The following RANBP3 variants were observed in gnomAD, a reference collection of about 807,000 sequenced individuals.
RANBP3 encodes RAN binding protein 3, also known as ran-binding protein 3.
A neutral mutation model predicts 77.3 loss-of-function variants in RANBP3; 14 were observed. That is an observed-to-expected ratio of 0.18 (90% CI 0.12 to 0.28). The LOEUF (loss-of-function observed/expected upper bound fraction) is 0.28, where lower values mean the gene tolerates loss of function less well. Among genes scored for constraint, RANBP3 ranks in the 10% least tolerant of loss-of-function variants. RANBP3 has a pLI of 1.00. For missense variants in RANBP3, 586 were observed against 752.3 expected (o/e 0.78, Z 2.59); for synonymous variants, 315 against 312.4 (o/e 1.01, Z -0.09).
chr19:5,954,402 C>T (rs777694268), intron 2 of RANBP3, among the ~76,000 whole-genome samples: 1 of 152,116 alleles, frequency 6.6e-6, no homozygotes, highest in African/African-American at 2.4e-5. Context: ...TTAACATTTT[C>T]GTAGGAGTAA....
intron 15 of RANBP3, among the ~76,000 whole-genome samples, chr19:5,918,214 T>TAG (rs547600465): frequency 2.8e-4 from 42 of 152,122 alleles, no homozygotes; most frequent in Non-Finnish European, 5.0e-4. Context: ...CACCATGACA[T>TAG]AGGAGAGAGG....
chr19:5,920,154 T>C (rs1053465775), intron 14 of RANBP3, among the ~76,000 whole-genome samples: 1 of 152,198 alleles, frequency 6.6e-6, no homozygotes, highest in Non-Finnish European at 1.5e-5. Context: ...TCCAGCGCTT[T>C]GGGAGGCTGA....
chr19:5,947,380 C>T (rs1453717202), intron 3 of RANBP3, among the ~76,000 whole-genome samples: 2 of 151,782 alleles, frequency 1.3e-5, no homozygotes, highest in Non-Finnish European at 2.9e-5. Context: ...GAGCAAGCTC[C>T]GAAGACTCGA....
intron 5 of RANBP3, among the ~76,000 whole-genome samples, chr19:5,935,049 CG>C (rs1221337420): frequency 6.6e-6 from 1 of 152,088 alleles, no homozygotes; most frequent in African/African-American, 2.4e-5. Flanking sequence ...AAATTAATCA[CG>C]TGATGGTCGC....
chr19:5,964,140 AG>A (rs2058436299), intron 1 of RANBP3, among the ~76,000 whole-genome samples: 1 of 152,202 alleles, frequency 6.6e-6, no homozygotes, highest in Admixed American at 6.5e-5. Context: ...AAATGGGACC[AG>A]CTGGGATTCC....
intron 1 of RANBP3, among the ~76,000 whole-genome samples, chr19:5,968,500 CATT>C (rs2058494340): frequency 1.3e-5 from 2 of 152,304 alleles, no homozygotes; most frequent in East Asian, 1.9e-4. Flanking sequence ...GCACTGGTAG[CATT>C]ATTATGCTCG....
intron 15 of RANBP3, 78 bp from the exon 16 acceptor site, chr19:5,918,058 G>A: frequency 6.9e-7 from 1 of 1,453,582 alleles, no homozygotes; most frequent in African/African-American, 1.4e-5. Flanking sequence ...CAAGTGCCAA[G>A]TCCCAAGGTT....
At chr19:5,939,671 A>T (rs1037350541) in intron 5 of RANBP3, among the ~76,000 whole-genome samples, 3 of 152,208 alleles carry the variant, frequency 2.0e-5, no homozygotes, top group Admixed American at 2.0e-4. Flanking sequence ...CACCTCTCCC[A>T]CCTGAGGGGT....
intron 13 of RANBP3, among the ~76,000 whole-genome samples, chr19:5,922,866 G>A (rs1486410747): frequency 2.6e-5 from 4 of 152,212 alleles, no homozygotes; most frequent in Admixed American, 2.6e-4. Context: ...CTTGAACCCA[G>A]GAAGCAGAGG....
At chr19:5,949,518 C>T (rs1308803991) in intron 3 of RANBP3, among the ~76,000 whole-genome samples, 2 of 152,146 alleles carry the variant, frequency 1.3e-5, no homozygotes, top group Non-Finnish European at 2.9e-5. Context: ...CCAAAAGTTA[C>T]GAGTGCTAAA....
Position 5,922,388 on chromosome 19 carries a change from C to A in RANBP3, c.1209+806G>T, listed in dbSNP as rs78421557. Among the ~76,000 whole-genome samples, 679 of 152,276 alleles carry A rather than the reference C, an allele frequency of 4.5e-3. 3 individuals carry two copies. Among genetic ancestry groups the A allele is most frequent in the African/African-American group, 0.016 (651 of 41,548 alleles). On this transcript the variant is annotated intron_variant, in intron 13 of 16. Coordinates refer to ENST00000340578, the MANE Select transcript of RANBP3 (RefSeq NM_007322.3). ...TCTTAAGAACGCCACGATACGCCAC[C>A]CGGTTTACAGACACAGACACCTGCT...
At chr19:5,937,910 C>A (rs2058087073) in intron 5 of RANBP3, among the ~76,000 whole-genome samples, 1 of 152,238 alleles carries the variant, frequency 6.6e-6, no homozygotes, top group Non-Finnish European at 1.5e-5. Context: ...AGTAACTGAT[C>A]ACCTAAAGCA....
intron 1 of RANBP3, among the ~76,000 whole-genome samples, chr19:5,968,057 G>C (rs1223900556): frequency 9.2e-5 from 14 of 152,144 alleles, no homozygotes; most frequent in Admixed American, 3.3e-4. Flanking sequence ...AAACTGCGTG[G>C]AGAGATGGAG....
At chr19:5,939,774 C>T (rs959635794) in intron 5 of RANBP3, among the ~76,000 whole-genome samples, 1 of 151,820 alleles carries the variant, frequency 6.6e-6, no homozygotes, top group African/African-American at 2.4e-5. Context: ...CTCTTTACAG[C>T]ACTACGAGGG....
At chr19:5,954,283 C>T (rs1470653536) in intron 2 of RANBP3, among the ~76,000 whole-genome samples, 3 of 152,134 alleles carry the variant, frequency 2.0e-5, no homozygotes, top group Non-Finnish European at 4.4e-5. Context: ...GTTGATGAGA[C>T]TTCTTGATCT....
intron 5 of RANBP3, among the ~76,000 whole-genome samples, chr19:5,940,648 T>C (rs1230508463): frequency 1.3e-5 from 2 of 152,220 alleles, no homozygotes; most frequent in Non-Finnish European, 2.9e-5. Context: ...CAGAAACAAC[T>C]TGACATCCTG....
At chr19:5,935,589 C>A (rs1435135403) in intron 5 of RANBP3, 8 of 379,238 alleles carry the variant, frequency 2.1e-5, no homozygotes, top group Non-Finnish European at 3.8e-5. Context: ...CCACACTCCG[C>A]TCCGTGCAGC....
chr19:5,965,573 G>A (rs1465678697), intron 1 of RANBP3, among the ~76,000 whole-genome samples: 1 of 152,150 alleles, frequency 6.6e-6, no homozygotes, highest in African/African-American at 2.4e-5. Flanking sequence ...GGGTGGTGGG[G>A]GCTTCCCAGA....
chr19:5,948,803 A>G (rs1568467241), intron 3 of RANBP3, among the ~76,000 whole-genome samples: 1 of 152,110 alleles, frequency 6.6e-6, no homozygotes, highest in Non-Finnish European at 1.5e-5. Context: ...TCTAATAAAC[A>G]TATCTGAAGC....
Sources: allele counts gnomAD v4.1 joint callset (sites outside exome capture counted in the v4.1 genomes callset), GRCh38; gene constraint gnomAD v4.1.1; transcripts MANE v1.5; gene names NCBI Gene and HGNC (gene_info 2026-07-23, HGNC 2026-07-21).